MTMR2: variants seen among roughly 807,000 people sequenced by gnomAD.
MTMR2 encodes the protein myotubularin related protein 2.
A neutral mutation model predicts 86.9 loss-of-function variants in MTMR2; 55 were observed. The ratio of observed to expected loss-of-function variants is 0.63; its 90% CI spans 0.51 to 0.79. The LOEUF is 0.79. MTMR2 is among the 30% of genes least tolerant of loss of function. The pLI is 0.00. For synonymous variants in MTMR2, 241 were observed against 266.8 expected (o/e 0.90, Z 0.94); for missense variants, 659 against 772.3 (o/e 0.85, Z 1.74).
intron 7 of MTMR2, 109 bp downstream of exon 7, chr11:95,857,443 G>C: frequency 1.4e-6 from 1 of 739,114 alleles, no homozygotes; most frequent in Non-Finnish European, 2.4e-6. Flanking sequence ...TTAATGTGGT[G>C]AATTACTGTG....
At chr11:95,840,134 CTCT>C (rs1863480942) in intron 12 of MTMR2, 1 of 152,114 alleles carries the variant, frequency 6.6e-6, no homozygotes, top group Non-Finnish European at 1.5e-5. Context: ...TTATCGTGTA[CTCT>C]TCTTTGCAAG....
chr11:95,861,001 C>CA lies in MTMR2; in HGVS notation c.468+990dup, dbSNP rs531051512. On this transcript the variant is annotated intron_variant, in intron 5 of 14. Coordinates refer to ENST00000346299, the MANE Select transcript of MTMR2 (RefSeq NM_016156.6). ...TGAAACCCCATCTCTACTAAAAATA[C>CA]AAAAAAAAATTAGCTGGGCGTGGTG... Among the ~76,000 whole-genome samples, 1,452 of 150,224 alleles carry CA rather than the reference C, an allele frequency of 9.7e-3. 11 individuals are homozygous for CA. Among genetic ancestry groups the CA allele is most frequent in the Non-Finnish European group, 0.015 (1,023 of 67,412 alleles).
chr11:95,916,848 G>A (rs975302668), intron 1 of MTMR2, among the ~76,000 whole-genome samples: 2 of 152,072 alleles, frequency 1.3e-5, no homozygotes, highest in African/African-American at 4.8e-5. Context: ...AGTGATTATG[G>A]CCATAGGTCC....
chr11:95,870,731 C>CTTTTTT (rs1158293839), intron 2 of MTMR2, among the ~76,000 whole-genome samples: 15 of 129,962 alleles, frequency 1.2e-4, no homozygotes, highest in African/African-American at 3.0e-4. Context: ...TTCTTTTTTT[C>CTTTTTT]TTTTTCTTTT....
chr11:95,855,702 TATA>T (rs1447204635), intron 7 of MTMR2, among the ~76,000 whole-genome samples: 1 of 152,198 alleles, frequency 6.6e-6, no homozygotes, highest in Non-Finnish European at 1.5e-5. Context: ...ATGTAATAAA[TATA>T]ATAATCATCA....
At chr11:95,910,830 G>C (rs376904298) in intron 1 of MTMR2, among the ~76,000 whole-genome samples, 90 of 151,926 alleles carry the variant, frequency 5.9e-4, no homozygotes, top group African/African-American at 2.0e-3. Flanking sequence ...ATGCACTATA[G>C]TATCATAAGC....
At chr11:95,881,953 G>A (rs1865340667) in intron 2 of MTMR2, among the ~76,000 whole-genome samples, 1 of 151,998 alleles carries the variant, frequency 6.6e-6, no homozygotes, top group Non-Finnish European at 1.5e-5. Flanking sequence ...GAGTTCTGAT[G>A]GATACCCTTT....
intron 11 of MTMR2, among the ~76,000 whole-genome samples, chr11:95,841,910 A>G (rs760152030): frequency 3.9e-5 from 6 of 152,186 alleles, no homozygotes; most frequent in Non-Finnish European, 5.9e-5. Flanking sequence ...GGTCTGGGCA[A>G]CATAGCAAGA....
rs55809121 is a variant in MTMR2 at position 95,851,055 on chromosome 11, C to CTT, written c.655-308_655-307dup. 6.4e-3 allele frequency among the ~76,000 whole-genome samples: 593 copies of CTT among 93,380 alleles called. 1 individual carries two copies. The highest frequency in any genetic ancestry group is 9.8e-3 in the East Asian group (33 of 3,366). The allele number at this position is 93,380 out of a possible 152,430, so 61.3% of individuals were successfully genotyped here. On this transcript the variant is annotated intron_variant, in intron 7 of 14. Transcript: ENST00000346299. The stretch of plus-strand genomic sequence containing the variant: ...GGAAACAGTAAGACTTCAAATATTC[C>CTT]TTTTTTTTTTTTTTTTTTTTTTTTT...
chr11:95,900,495 T>C (rs981729607), intron 1 of MTMR2, among the ~76,000 whole-genome samples: 12 of 152,234 alleles, frequency 7.9e-5, no homozygotes, highest in African/African-American at 2.7e-4. Context: ...GTCTCTATAA[T>C]GTTTTAGAAA....
intron 5 of MTMR2, among the ~76,000 whole-genome samples, chr11:95,861,030 G>A (rs1283595000): frequency 6.6e-6 from 1 of 151,724 alleles, no homozygotes; most frequent in Non-Finnish European, 1.5e-5. Flanking sequence ...CGTGGTGGTG[G>A]GCGCCTGTAG....
chr11:95,868,402 G>A (rs1194902970), intron 2 of MTMR2, among the ~76,000 whole-genome samples: 2 of 151,470 alleles, frequency 1.3e-5, no homozygotes, highest in Non-Finnish European at 2.9e-5. Flanking sequence ...ATGACTGCAA[G>A]GACATTTAAA....
At position 95,835,086 on chromosome 11, in the gene MTMR2, T is replaced by TAATC; in HGVS notation, c.*200_*203dup. 1 of 581,612 alleles carries TAATC rather than the reference T, an allele frequency of 1.7e-6. No individual in the cohort carries two copies. Among genetic ancestry groups the TAATC allele is most frequent in the Non-Finnish European group, 3.1e-6 (1 of 326,260 alleles). 36.0% of individuals were successfully genotyped at this position (581,612 alleles called of 1,614,324 possible). A position where few individuals can be genotyped will look rare whatever the true frequency, so the allele number is the denominator to read the frequency against. On this transcript the variant is annotated 3_prime_UTR_variant, in exon 15 of 15. Transcript: ENST00000346299. ...TTGGATACTTAAAAGATTAGTATCA[T>TAATC]AATCATGTAATTACATATGGAGTTA...
intron 1 of MTMR2, among the ~76,000 whole-genome samples, chr11:95,894,739 G>A (rs1007034562): frequency 3.2e-4 from 49 of 152,200 alleles, no homozygotes; most frequent in African/African-American, 1.1e-3. Flanking sequence ...ATTTGAAATT[G>A]ACTGCTTAAA....
chr11:95,895,690 C>T (rs1307723344), intron 1 of MTMR2, among the ~76,000 whole-genome samples: 2 of 152,084 alleles, frequency 1.3e-5, no homozygotes, highest in African/African-American at 4.8e-5. Flanking sequence ...GGAAGACAGT[C>T]TGGTAGTTCC....
intron 14 of MTMR2, among the ~76,000 whole-genome samples, 189 bp from the exon 15 acceptor site, chr11:95,835,640 CTGAG>C (rs1565342143): frequency 6.6e-6 from 1 of 151,968 alleles, no homozygotes. Flanking sequence ...CCCAGTGCCC[CTGAG>C]TATTTCCAAA....
intron 2 of MTMR2, among the ~76,000 whole-genome samples, chr11:95,877,242 C>T (rs1038943029): frequency 4.8e-5 from 7 of 146,634 alleles, no homozygotes; most frequent in African/African-American, 1.8e-4. Context: ...AACAAAAATT[C>T]TAACAAGGTA....
At chr11:95,877,856 A>G (rs1865183767) in intron 2 of MTMR2, among the ~76,000 whole-genome samples, 1 of 152,046 alleles carries the variant, frequency 6.6e-6, no homozygotes, top group African/African-American at 2.4e-5. Context: ...AACCCTGCTA[A>G]CACCTTGATT....
chr11:95,843,354 A>G (rs1863631543), intron 11 of MTMR2, among the ~76,000 whole-genome samples: 1 of 152,206 alleles, frequency 6.6e-6, no homozygotes, highest in Non-Finnish European at 1.5e-5. Flanking sequence ...CAAATAACCA[A>G]TATGTGATGT....
Sources: allele counts gnomAD v4.1 joint callset (sites outside exome capture counted in the v4.1 genomes callset), GRCh38; gene constraint gnomAD v4.1.1; transcripts MANE v1.5; gene names NCBI Gene and HGNC (gene_info 2026-07-23, HGNC 2026-07-21).